The following HHIPL1 variants were observed in gnomAD, a reference collection of about 807,000 sequenced individuals.
HHIPL1 encodes the protein HHIP-like protein 1.
In HHIPL1, 43 loss-of-function variants were observed where a neutral mutation model predicts 61.8. The observed-to-expected ratio is 0.70, with a 90% CI of 0.55 to 0.90. The LOEUF (loss-of-function observed/expected upper bound fraction) is 0.90, where lower values mean the gene tolerates loss of function less well. Among genes scored for constraint, HHIPL1 ranks in the 40% least tolerant of loss-of-function variants. The pLI is 0.00. For missense variants in HHIPL1, 1,056 were observed against 1,157.7 expected (o/e 0.91, Z 1.28); for synonymous variants, 482 against 515.8 (o/e 0.93, Z 0.89).
chr14:99,671,440 C>G (rs1274904084), intron 7 of HHIPL1, among the ~76,000 whole-genome samples: 1 of 152,184 alleles, frequency 6.6e-6, no homozygotes, highest in Non-Finnish European at 1.5e-5. Context: ...TCTGCAGCCT[C>G]TGGGGACAAA....
At chr14:99,656,968 G>A (rs757386964) in intron 2 of HHIPL1, 32 bp from the exon 3 acceptor site, 2 of 1,556,436 alleles carry the variant, frequency 1.3e-6, no homozygotes, top group Non-Finnish European at 1.7e-6. Flanking sequence ...TGCGTGGAAG[G>A]CTGAGTTTTA....
chr14:99,635,433 G>T, the HHIPL1 span, among the ~76,000 whole-genome samples: 1 of 152,088 alleles, frequency 6.6e-6, no homozygotes, highest in South Asian at 2.1e-4. Context: ...GGTGGGGGTG[G>T]CAGGGAAAAA....
chr14:99,625,569 G>T, the HHIPL1 span: 1 of 152,184 alleles, frequency 6.6e-6, no homozygotes, highest in Non-Finnish European at 1.5e-5. Flanking sequence ...GAATGCTGGA[G>T]ATGGGAGGCT....
At chr14:99,618,250 T>C in the HHIPL1 span, among the ~76,000 whole-genome samples, 7 of 152,180 alleles carry the variant, frequency 4.6e-5, no homozygotes, top group African/African-American at 1.7e-4. Flanking sequence ...AGACTTGGCA[T>C]CCTGGGAATC....
Position 99,645,475 on chromosome 14 carries a change from G to A in HHIPL1, c.255+13G>A. The A allele has an allele frequency of 7.9e-7, 1 of 1,272,234 alleles. No individual in the cohort carries two copies. Among genetic ancestry groups the A allele is most frequent in the Non-Finnish European group, 9.9e-7 (1 of 1,014,674 alleles). 78.8% of individuals were successfully genotyped at this position (1,272,234 alleles called of 1,614,324 possible). A position where few individuals can be genotyped will look rare whatever the true frequency, so the allele number is the denominator to read the frequency against. ...CCTGCTGTGCCAGGTGAGCGGGCGC[G>A]CGGCCACCGGGCGGGGCGGGGCGCG... On this transcript the variant is annotated intron_variant, in intron 1 of 8. Transcript: ENST00000330710.
At chr14:99,651,452 C>T (rs1029091879) in intron 1 of HHIPL1, among the ~76,000 whole-genome samples, 12 of 152,120 alleles carry the variant, frequency 7.9e-5, no homozygotes, top group African/African-American at 2.9e-4. Context: ...ACAGCAGCAG[C>T]AAGAGAGAGA....
the HHIPL1 span, among the ~76,000 whole-genome samples, chr14:99,605,096 G>A: frequency 5.9e-5 from 9 of 152,302 alleles, no homozygotes; most frequent in African/African-American, 2.2e-4. Context: ...CCCCCTGCCC[G>A]GAGCGGCGCT....
the HHIPL1 span, among the ~76,000 whole-genome samples, chr14:99,610,275 A>G: frequency 6.6e-6 from 1 of 152,196 alleles, no homozygotes; most frequent in African/African-American, 2.4e-5. Context: ...GGTTCATATT[A>G]CAAAGAACAC....
At chr14:99,659,910 G>C in intron 4 of HHIPL1, among the ~76,000 whole-genome samples, 154 bp downstream of exon 4, 1 of 146,504 alleles carries the variant, frequency 6.8e-6, no homozygotes, top group East Asian at 2.1e-4. Context: ...TGGGCTGTGC[G>C]GCAGGGCCTC....
At chr14:99,639,034 T>G in the HHIPL1 span, among the ~76,000 whole-genome samples, 5 of 152,256 alleles carry the variant, frequency 3.3e-5, no homozygotes, top group Non-Finnish European at 7.3e-5. Flanking sequence ...CTTTTGTCCA[T>G]TCATGTGCTT....
At position 99,661,967 on chromosome 14, in the gene HHIPL1, G is replaced by A. The variant is rs561026987; in HGVS notation, c.1503-909G>A. On this transcript the variant is annotated intron_variant, in intron 5 of 8. Coordinates refer to ENST00000330710, the MANE Select transcript of HHIPL1 (RefSeq NM_001127258.3). ...CCTCTCCCAGATCCGCCCCTTCCCC[G>A]GGGACCCAGCTTTCCCATCTGGAAA... 2.2e-4 allele frequency among the ~76,000 whole-genome samples: 34 copies of A among 152,154 alleles called. 1 individual carries two copies. The highest frequency in any genetic ancestry group is 4.0e-4 in the Non-Finnish European group (27 of 68,002).
chr14:99,655,538 C>A (rs1042205957), intron 2 of HHIPL1, among the ~76,000 whole-genome samples: 2 of 152,074 alleles, frequency 1.3e-5, no homozygotes, highest in Admixed American at 1.3e-4. Context: ...GCAGGAAGAT[C>A]CCTTGATCCC....
At position 99,668,095 on chromosome 14, in the gene HHIPL1, C is replaced by A. The variant is rs2056274815; in HGVS notation, c.1649-127C>A. 4 of 716,708 alleles carry A rather than the reference C, an allele frequency of 5.6e-6. No homozygotes were observed. Among genetic ancestry groups the A allele is most frequent in the South Asian group, 1.5e-5 (1 of 65,404 alleles). The allele number at this position is 716,708 out of a possible 1,614,324, so 44.4% of individuals were successfully genotyped here. On this transcript the variant is annotated intron_variant, in intron 6 of 8. Transcript: ENST00000330710. The surrounding 1 kb of genome is among the most constrained non-coding windows in gnomAD (Gnocchi z 4.7). ...TGGACAGCTAGACTGAGCTGGGATG[C>A]CTCACGTGATGGCTAGCTGGGGTTG...
the HHIPL1 span, among the ~76,000 whole-genome samples, chr14:99,616,169 C>T: frequency 6.6e-6 from 1 of 152,130 alleles, no homozygotes; most frequent in South Asian, 2.1e-4. Flanking sequence ...AAATTCTTGC[C>T]ATTGTGTTAC....
chr14:99,614,205 T>A, the HHIPL1 span, among the ~76,000 whole-genome samples: 4 of 152,064 alleles, frequency 2.6e-5, no homozygotes, highest in Admixed American at 2.6e-4. Context: ...GGCCACACGG[T>A]GAGGCGGGAG....
At chr14:99,658,649 C>T (rs555274423) in intron 3 of HHIPL1, among the ~76,000 whole-genome samples, 3 of 152,270 alleles carry the variant, frequency 2.0e-5, no homozygotes, top group South Asian at 2.1e-4. Flanking sequence ...GCATGTTCTC[C>T]GCACTGTCTT....
At chr14:99,621,937 G>T in the HHIPL1 span, among the ~76,000 whole-genome samples, 4 of 151,804 alleles carry the variant, frequency 2.6e-5, no homozygotes, top group African/African-American at 9.7e-5. Context: ...GGATAGTCTC[G>T]ATCTCCTGAC....
chr14:99,671,936 G>A (rs114942484), intron 7 of HHIPL1, among the ~76,000 whole-genome samples: 2,350 of 152,258 alleles, frequency 0.015, 56 homozygotes, highest in African/African-American at 0.053. Flanking sequence ...AGAGGGTGGC[G>A]GGCAGGAATC....
At chr14:99,664,760 TC>T (rs986153383) in intron 6 of HHIPL1, among the ~76,000 whole-genome samples, 2 of 151,068 alleles carry the variant, frequency 1.3e-5, no homozygotes, top group Non-Finnish European at 2.9e-5. Context: ...AGGGAAAACA[TC>T]CCCTTTGCCC....
Sources: allele counts gnomAD v4.1 joint callset (sites outside exome capture counted in the v4.1 genomes callset), GRCh38; gene constraint gnomAD v4.1.1; non-coding constraint Gnocchi (gnomAD v3.1); transcripts MANE v1.5; gene names NCBI Gene and HGNC (gene_info 2026-07-23, HGNC 2026-07-21).